The following NUP214 variants were observed in gnomAD, a reference collection of about 807,000 sequenced individuals.
NUP214 encodes nuclear pore complex protein Nup214.
Under a neutral mutation model 196.2 loss-of-function variants are expected in NUP214, and 79 were observed. The observed-to-expected ratio is 0.40, with a 90% CI of 0.34 to 0.49. The LOEUF (loss-of-function observed/expected upper bound fraction) is 0.49, where lower values mean the gene tolerates loss of function less well. Among genes scored for constraint, NUP214 ranks in the 20% least tolerant of loss-of-function variants. NUP214 has a pLI of 0.58. For missense variants in NUP214, 2,468 were observed against 2,539.0 expected, an observed-to-expected ratio of 0.97 and a Z score of 0.60; for synonymous variants, 1,020 against 990.5, an observed-to-expected ratio of 1.03 and a Z score of -0.56.
At chr9:131,200,447 C>T (rs1407751629) in intron 29 of NUP214, among the ~76,000 whole-genome samples, 5 of 152,214 alleles carry the variant, frequency 3.3e-5, no homozygotes, top group Non-Finnish European at 7.3e-5. Context: ...CGGTGGCTCA[C>T]GCCTGTAATC....
chr9:131,230,941 A>G lies in NUP214; in HGVS notation c.6214+172A>G, dbSNP rs577945090. 1.3e-4 allele frequency among the ~76,000 whole-genome samples: 20 copies of G among 152,260 alleles called. 1 individual carries two copies. In the South Asian group the frequency reaches 3.7e-3, roughly 28 times the overall value. ...TTTGGGAGACCAAGGCAGGAGGATC[A>G]CTTGAGCCCAGGAGTTTGAGACTAG... On this transcript the variant is annotated intron_variant, in intron 34 of 35. Coordinates refer to ENST00000359428, the MANE Select transcript of NUP214 (RefSeq NM_005085.4).
intron 11 of NUP214, 85 bp from the exon 12 acceptor site, chr9:131,144,195 A>G: frequency 9.1e-7 from 1 of 1,096,076 alleles, no homozygotes; most frequent in South Asian, 1.5e-5. Flanking sequence ...TTATTCTACC[A>G]CAAATTCTTT....
Position 131,232,645 on chromosome 9 carries a change from G to A in NUP214, c.6239+337G>A. On this transcript the variant is annotated intron_variant, in intron 35 of 35. Transcript: ENST00000359428. The surrounding 1 kb of genome is among the most constrained non-coding windows in gnomAD (Gnocchi z 5.1). ...CTCAGAAGCTGCATGCTAACCCCTG[G>A]GCTCTGGGCCATCACCAGGTCTCAT... The A allele has an allele frequency of 2.3e-6, 1 of 427,774 alleles. No individual in the cohort carries two copies. Among genetic ancestry groups the A allele is most frequent in the South Asian group, 2.3e-5 (1 of 43,386 alleles). The allele number at this position is 427,774 out of a possible 1,614,324, so 26.5% of individuals were successfully genotyped here. A position where few individuals can be genotyped will look rare whatever the true frequency, so the allele number is the denominator to read the frequency against.
intron 29 of NUP214, 28 bp from the exon 30 acceptor site, chr9:131,201,619 G>A (rs1450602215): frequency 1.3e-6 from 2 of 1,575,650 alleles, no homozygotes; most frequent in Admixed American, 1.7e-5. Flanking sequence ...AATCCAAATT[G>A]AATTTTTGTT....
chr9:131,182,498 A>G (rs1433982214), intron 24 of NUP214, among the ~76,000 whole-genome samples: 5 of 152,264 alleles, frequency 3.3e-5, no homozygotes, highest in Admixed American at 1.3e-4. Flanking sequence ...ATATAAAATT[A>G]TAGCCTGATG....
intron 30 of NUP214, among the ~76,000 whole-genome samples, chr9:131,209,550 C>A (rs1322560895): frequency 2.0e-5 from 3 of 152,052 alleles, no homozygotes; most frequent in African/African-American, 7.2e-5. Flanking sequence ...TTCACTGTCA[C>A]ACCTGGCTAC....
chr9:131,166,939 A>G (rs944349966), intron 21 of NUP214: 5 of 152,138 alleles, frequency 3.3e-5, no homozygotes, highest in African/African-American at 1.2e-4. Flanking sequence ...CTTATTCCTA[A>G]ATATTTCAGC....
chr9:131,215,897 ATTTTTTTTT>A (rs768564629), intron 31 of NUP214, among the ~76,000 whole-genome samples: 3 of 123,724 alleles, frequency 2.4e-5, no homozygotes, highest in African/African-American at 9.1e-5. Flanking sequence ...TCTTTAGCTA[ATTTTTTTTT>A]TTTTTTTTTT....
chr9:131,128,302 T>C, intron 2 of NUP214, 30 bp from the exon 3 acceptor site: 1 of 1,597,688 alleles, frequency 6.3e-7, no homozygotes, highest in South Asian at 1.1e-5. Context: ...AACATACCGT[T>C]TTCTGCTTTG....
At chr9:131,158,640 A>G (rs1337463845) in intron 17 of NUP214, among the ~76,000 whole-genome samples, 1 of 152,212 alleles carries the variant, frequency 6.6e-6, no homozygotes, top group Non-Finnish European at 1.5e-5. Context: ...TTTTGTCTCC[A>G]TTACAGTTAA....
chr9:131,150,459 G>C, intron 15 of NUP214, 49 bp downstream of exon 15: 3 of 1,596,550 alleles, frequency 1.9e-6, no homozygotes, highest in Non-Finnish European at 2.6e-6. Context: ...TGACAGACTT[G>C]GATGGGTCAG....
intron 5 of NUP214, 30 bp from the exon 6 acceptor site, chr9:131,132,566 A>G: frequency 6.3e-7 from 1 of 1,590,534 alleles, no homozygotes; most frequent in Non-Finnish European, 8.6e-7. Context: ...TTCATTTGAT[A>G]CTTTATTTTC....
rs1321648997 is a variant in NUP214, at chr9:131,129,449, T to G, written c.564T>G (p.Thr188=). Residue 188 remains threonine (T), a synonymous_variant, in exon 4 of 36, where the codon ACT becomes ACG. Transcript: ENST00000359428. Reference sequence around the variant, plus strand: ...CGGAAACAGTGAAAGTATGTGCAACTCTTCCTTCCACGGTAGCAGTAACCT... The same window carrying G: ...CGGAAACAGTGAAAGTATGTGCAACGCTTCCTTCCACGGTAGCAGTAACCT... ...QVTETVKVCA[T]LPSTVAVTSV... is the part of the protein sequence containing the mutation. 6.2e-7 allele frequency: 1 copy of G among 1,614,242 alleles called. No homozygotes were observed. Among genetic ancestry groups the G allele is most frequent in the South Asian group, 1.1e-5 (1 of 91,092 alleles).
chr9:131,169,518 CA>C (rs1443509449), intron 21 of NUP214, among the ~76,000 whole-genome samples: 1 of 152,180 alleles, frequency 6.6e-6, no homozygotes, highest in African/African-American at 2.4e-5. Flanking sequence ...AAATAAGTAA[CA>C]TTTAAAATTT....
chr9:131,196,642 C>T (rs140532980), intron 28 of NUP214, among the ~76,000 whole-genome samples: 4 of 152,276 alleles, frequency 2.6e-5, no homozygotes, highest in East Asian at 3.9e-4. Context: ...ACACAACCAG[C>T]GAGTGGCAGA....
chr9:131,228,502 C>T (rs200713558), intron 33 of NUP214, 171 bp downstream of exon 33: 76 of 571,760 alleles, frequency 1.3e-4, no homozygotes, highest in East Asian at 7.1e-4. Flanking sequence ...AGACTCATTT[C>T]GTTCAAGCCA....
At chr9:131,194,400 G>GGGTTTT in intron 27 of NUP214, among the ~76,000 whole-genome samples, 1 of 151,988 alleles carries the variant, frequency 6.6e-6, no homozygotes, top group East Asian at 1.9e-4. Flanking sequence ...TTTGGTTTTT[G>GGGTTTT]GGTTTTTGTT....
intron 31 of NUP214, chr9:131,222,564 G>GCC (rs1564218906): frequency 2.3e-6 from 1 of 441,622 alleles, no homozygotes; most frequent in Non-Finnish European, 4.0e-6. Context: ...GAAATCCTGA[G>GCC]CCTGGGTGCC....
intron 26 of NUP214, chr9:131,190,098 G>T (rs1245035275): frequency 1.3e-5 from 3 of 233,264 alleles, no homozygotes; most frequent in African/African-American, 6.7e-5. Flanking sequence ...TATTGCATAA[G>T]CCAGAGTTGT....
Sources: allele counts gnomAD v4.1 joint callset (sites outside exome capture counted in the v4.1 genomes callset), GRCh38; gene constraint gnomAD v4.1.1; non-coding constraint Gnocchi (gnomAD v3.1); transcripts MANE v1.5; gene names NCBI Gene and HGNC (gene_info 2026-07-23, HGNC 2026-07-21).